The following VPS33B variants were observed in gnomAD, a reference collection of about 807,000 sequenced individuals.
VPS33B encodes the protein VPS33B late endosome and lysosome associated.
In VPS33B, 80 loss-of-function variants were observed where a neutral mutation model predicts 95.3. The ratio of observed to expected loss-of-function variants is 0.84; its 90% CI spans 0.70 to 1.01. VPS33B has a LOEUF of 1.01. Among genes scored for constraint, VPS33B ranks in the 50% least tolerant of loss-of-function variants. The pLI, the probability that VPS33B is intolerant of heterozygous loss-of-function variation, is 0.00. For missense variants in VPS33B, 715 were observed against 773.4 expected, an observed-to-expected ratio of 0.92 and a Z score of 0.90; for synonymous variants, 280 against 280.4, an observed-to-expected ratio of 1.00 and a Z score of 0.01.
Position 91,009,680 on chromosome 15 carries a change from G to T in VPS33B, c.403+121C>A. On this transcript the variant is annotated intron_variant, in intron 6 of 22. Coordinates refer to ENST00000333371, the MANE Select transcript of VPS33B (RefSeq NM_018668.5). This position sits in a 1 kb window ranked among gnomAD's most constrained non-coding sequence, Gnocchi z 4.1. ...ACCTCTCCTCCTGCTACACTAACAGGAATAAGACCAGGAAAAGAAGGAGCT... is the reference window on the plus strand; with the variant it reads ...ACCTCTCCTCCTGCTACACTAACAGTAATAAGACCAGGAAAAGAAGGAGCT... The T allele has an allele frequency of 9.8e-7, 1 of 1,015,836 alleles. No homozygotes were observed. The highest frequency in any genetic ancestry group is 1.4e-6 in the Non-Finnish European group (1 of 703,300). 62.9% of individuals were successfully genotyped at this position (1,015,836 alleles called of 1,614,324 possible).
At position 90,999,238 on chromosome 15, in the gene VPS33B, G is replaced by A. The variant is rs773926935; in HGVS notation, c.1775-184C>T. The A allele has an allele frequency of 3.0e-6, 2 of 668,678 alleles. No homozygotes were observed. The highest frequency in any genetic ancestry group is 5.3e-6 in the Non-Finnish European group (2 of 375,032). 41.4% of individuals were successfully genotyped at this position (668,678 alleles called of 1,614,324 possible). On this transcript the variant is annotated intron_variant, in intron 22 of 22. Coordinates refer to ENST00000333371, the MANE Select transcript of VPS33B (RefSeq NM_018668.5). The surrounding 1 kb of genome is among the most constrained non-coding windows in gnomAD (Gnocchi z 5.1). The stretch of plus-strand genomic sequence containing the variant: ...GACTGGTATAACTGGGCTCCCTGCT[G>A]TGGCAGCCCAGAGTTAAGGCTATGG...
In VPS33B at chr15:91,013,997, C is replaced by T; in HGVS notation, c.290-126G>A. 1 of 1,133,922 alleles carries T rather than the reference C, an allele frequency of 8.8e-7. No homozygotes were observed. Among genetic ancestry groups the T allele is most frequent in the South Asian group, 1.2e-5 (1 of 80,090 alleles). The allele number at this position is 1,133,922 out of a possible 1,614,324, so 70.2% of individuals were successfully genotyped here. On this transcript the variant is annotated intron_variant, in intron 4 of 22. Transcript: ENST00000333371. The surrounding 1 kb of genome is among the most constrained non-coding windows in gnomAD (Gnocchi z 4.5). The stretch of plus-strand genomic sequence containing the variant: ...ACTTGGGAGGCTGAGGCGGGTGGAT[C>T]ACCTGAGGTCAGGAGTTTGCGACCA...
At position 91,000,739 on chromosome 15, in the gene VPS33B, G is replaced by T. The variant is rs145734000; in HGVS notation, c.1480-148C>A. 1.1e-3 allele frequency: 739 copies of T among 697,172 alleles called. 5 individuals carry two copies. The African/African-American group carries it at 0.011, about 10-fold the overall frequency. The allele number at this position is 697,172 out of a possible 1,614,324, so 43.2% of individuals were successfully genotyped here. ...TAGCCCTGAAAAGAGAATCCATAAC[G>T]GAAGATGGCAGTTTTTGTTCAGTAA... On this transcript the variant is annotated intron_variant, in intron 19 of 22. Coordinates refer to ENST00000333371, the MANE Select transcript of VPS33B (RefSeq NM_018668.5). This position sits in a 1 kb window ranked among gnomAD's most constrained non-coding sequence, Gnocchi z 4.9.
At position 90,998,705 on chromosome 15, in the gene VPS33B, G is replaced by A. The variant is rs2040343173; in HGVS notation, c.*270C>T. On this transcript the variant is annotated 3_prime_UTR_variant, in exon 23 of 23. Transcript: ENST00000333371. The surrounding 1 kb of genome is among the most constrained non-coding windows in gnomAD (Gnocchi z 4.8). ...TGAGAGCAGAGGCTTTATTTACAAT[G>A]ACATTCAAACAGGATTTAGCAAAGG... 1 of 529,378 alleles carries A rather than the reference G, an allele frequency of 1.9e-6. No individual in the cohort carries two copies. Among genetic ancestry groups the A allele is most frequent in the African/African-American group, 1.9e-5 (1 of 52,272 alleles). 32.8% of individuals were successfully genotyped at this position (529,378 alleles called of 1,614,324 possible). A position where few individuals can be genotyped will look rare whatever the true frequency, so the allele number is the denominator to read the frequency against.
At position 91,000,579 on chromosome 15, in the gene VPS33B, C is replaced by G. The variant is rs779601858; in HGVS notation, c.1492G>C (p.Asp498His). The G allele has an allele frequency of 6.2e-7, 1 of 1,612,692 alleles. No homozygotes were observed. Among genetic ancestry groups the G allele is most frequent in the Non-Finnish European group, 8.5e-7 (1 of 1,179,134 alleles). Residue 498 changes from aspartate (D) to histidine (H), a missense_variant, in exon 20 of 23, where the codon GAC (aspartate) becomes CAC (histidine). Physicochemically the swap from Asp to His is moderately conservative, Grantham distance 81 (BLOSUM62 -1). Transcript: ENST00000333371. The surrounding 1 kb of genome is among the most constrained non-coding windows in gnomAD (Gnocchi z 4.9). ...GGCACTTTCAGATCATACTCGCCGT[C>G]CACACGTGGGATCTGTAAGACAAAG... The part of the protein sequence containing the change: ...SKKLNLIPRV[D>H]GEYDLKVPRD...
rs2040406017 is a variant in VPS33B at position 91,000,489 on chromosome 15, C to T, written c.1581+1G>A. The T allele has an allele frequency of 6.2e-7, 1 of 1,612,438 alleles. No homozygotes were observed. The highest frequency in any genetic ancestry group is 2.2e-5 in the East Asian group (1 of 44,802). On this transcript the variant is annotated splice_donor_variant, in intron 20 of 22. Coordinates refer to ENST00000333371, the MANE Select transcript of VPS33B (RefSeq NM_018668.5). LOFTEE classifies it high-confidence loss of function. The surrounding 1 kb of genome is among the most constrained non-coding windows in gnomAD (Gnocchi z 4.9). ...TGGGAGCAAGAATTACATGCTCTCA[C>T]CTGCTCAATGATTCGGCAGCTCAGG...
At chr15:91,017,990 G>A in intron 1 of VPS33B, 105 bp from the exon 2 acceptor site, 1 of 984,382 alleles carries the variant, frequency 1.0e-6, no homozygotes, top group Non-Finnish European at 1.6e-6. Flanking sequence ...TGAGGTGGGA[G>A]GGCACTAAGT....
Position 91,022,276 on chromosome 15 carries a change from GGAAGGACGCCCTTCGTTCTGA to G in VPS33B, c.-48_-28del. On this transcript the variant is annotated 5_prime_UTR_variant, in exon 1 of 23. Transcript: ENST00000333371. ...GCAGCGGTCACCTGCGCCGCGGGGT[GGAAGGACGCCCTTCGTTCTGA>G]GAAGGCCGGCCGCAGCCCAGGGAAG... is the stretch of plus-strand genomic sequence containing the variant. 1.3e-6 allele frequency: 2 copies of G among 1,532,096 alleles called. No homozygotes were observed. Among genetic ancestry groups the G allele is most frequent in the Non-Finnish European group, 1.8e-6 (2 of 1,132,420 alleles). 94.9% of individuals were successfully genotyped at this position (1,532,096 alleles called of 1,614,324 possible).
In VPS33B at chr15:90,999,780, T is replaced by C. The variant is rs148071246; in HGVS notation, c.1671A>G (p.Glu557=). 3.7e-3 allele frequency: 6,040 copies of C among 1,614,112 alleles called. 341 individuals carry two copies. In the Admixed American group the frequency reaches 0.091, roughly 24 times the overall value. ...GCAGGGACTCACTGGAAGCCTTGTC[T>C]TCCTTAGTCATATCTGTGAGGATCA... ...SDFAFTDMTK[E]DKASSESLRL... is the part of the protein sequence containing the mutation. The change falls in exon 22 of 23, where the codon GAA becomes GAG. Residue 557 remains glutamate, a synonymous_variant. Coordinates refer to ENST00000333371, the MANE Select transcript of VPS33B (RefSeq NM_018668.5). This position sits in a 1 kb window ranked among gnomAD's most constrained non-coding sequence, Gnocchi z 5.1.
Position 90,999,262 on chromosome 15 carries a change from G to A in VPS33B, c.1775-208C>T. Reference sequence around the variant, plus strand: ...TGTGGCAGCCCAGAGTTAAGGCTATGGCAAGTTGTATTCTGAGGCCAGGAG... The same window carrying A: ...TGTGGCAGCCCAGAGTTAAGGCTATAGCAAGTTGTATTCTGAGGCCAGGAG... On this transcript the variant is annotated intron_variant, in intron 22 of 22. Transcript: ENST00000333371. This position sits in a 1 kb window ranked among gnomAD's most constrained non-coding sequence, Gnocchi z 5.1. The A allele has an allele frequency of 1.6e-6, 1 of 629,060 alleles. No individual in the cohort carries two copies. The highest frequency in any genetic ancestry group is 2.8e-5 in the East Asian group (1 of 36,194). The allele number at this position is 629,060 out of a possible 1,614,324, so 39.0% of individuals were successfully genotyped here.
intron 6 of VPS33B, among the ~76,000 whole-genome samples, chr15:91,008,350 C>T (rs772555931): frequency 7.9e-5 from 12 of 152,146 alleles, no homozygotes; most frequent in Admixed American, 1.3e-4. Context: ...CTGCAACCTC[C>T]GCCTCCTGGG....
chr15:91,005,353 G>A lies in VPS33B; in HGVS notation c.1105+27C>T. 6.2e-7 allele frequency: 1 copy of A among 1,614,182 alleles called. No homozygotes were observed. Among genetic ancestry groups the A allele is most frequent in the Non-Finnish European group, 8.5e-7 (1 of 1,180,036 alleles). ...AGCTGGGGAAGTAGAAGCGTGGGCAGTAGCACAGCAAGGCTGCGGCAGTTA... is the reference window on the plus strand; with the variant it reads ...AGCTGGGGAAGTAGAAGCGTGGGCAATAGCACAGCAAGGCTGCGGCAGTTA... On this transcript the variant is annotated intron_variant, in intron 14 of 22. Transcript: ENST00000333371. The surrounding 1 kb of genome is among the most constrained non-coding windows in gnomAD (Gnocchi z 6.4).
Position 90,999,594 on chromosome 15 carries a change from C to T in VPS33B, c.1774+83G>A, listed in dbSNP as rs2040373607. 4 of 1,431,466 alleles carry T rather than the reference C, an allele frequency of 2.8e-6. No homozygotes were observed. Among genetic ancestry groups the T allele is most frequent in the South Asian group, 1.2e-5 (1 of 86,840 alleles). The allele number at this position is 1,431,466 out of a possible 1,614,324, so 88.7% of individuals were successfully genotyped here. ...TCCGCCTCCCAAAGTGCTGAGATTA[C>T]AGGTATGAACCACCGTGCCCAGCTG... is the stretch of plus-strand genomic sequence containing the variant. On this transcript the variant is annotated intron_variant, in intron 22 of 22. Transcript: ENST00000333371. This position sits in a 1 kb window ranked among gnomAD's most constrained non-coding sequence, Gnocchi z 5.1.
chr15:91,005,813 C>G lies in VPS33B; in HGVS notation c.940-29G>C, dbSNP rs773693358. ...TGGGAAAATTCCCAAAGGTGAACCC[C>G]CCAACCTCAGACACGAGAAACCACC... is the stretch of plus-strand genomic sequence containing the variant. On this transcript the variant is annotated intron_variant, in intron 12 of 22. Coordinates refer to ENST00000333371, the MANE Select transcript of VPS33B (RefSeq NM_018668.5). The surrounding 1 kb of genome is among the most constrained non-coding windows in gnomAD (Gnocchi z 6.4). 5 of 1,613,834 alleles carry G rather than the reference C, an allele frequency of 3.1e-6. No homozygotes were observed. The South Asian group carries it at 4.4e-5, about 14-fold the overall frequency.
In VPS33B at chr15:90,999,516, A is replaced by G; in HGVS notation, c.1774+161T>C. On this transcript the variant is annotated intron_variant, in intron 22 of 22. Coordinates refer to ENST00000333371, the MANE Select transcript of VPS33B (RefSeq NM_018668.5). The surrounding 1 kb of genome is among the most constrained non-coding windows in gnomAD (Gnocchi z 5.1). ...GTATTTTTCGTAGAGATGGGGTTTC[A>G]CCATGTTGGTCAGGCTAGGCTCTAA... 1.3e-6 allele frequency: 1 copy of G among 783,786 alleles called. No homozygotes were observed. The highest frequency in any genetic ancestry group is 2.6e-5 in the East Asian group (1 of 39,106). 48.6% of individuals were successfully genotyped at this position (783,786 alleles called of 1,614,324 possible).
At chr15:91,008,524 C>G (rs1476224926) in intron 6 of VPS33B, among the ~76,000 whole-genome samples, 1 of 152,200 alleles carries the variant, frequency 6.6e-6, no homozygotes, top group East Asian at 1.9e-4. Flanking sequence ...CTTGGCCTCT[C>G]AAAGTGCTGG....
chr15:91,017,876 T>G lies in VPS33B; in HGVS notation c.106A>C (p.Lys36Gln). 6.2e-7 allele frequency: 1 copy of G among 1,614,100 alleles called. No individual in the cohort carries two copies. The highest frequency in any genetic ancestry group is 2.2e-5 in the East Asian group (1 of 44,890). The change falls in exon 2 of 23, where the codon AAA becomes CAA. Residue 36 changes from lysine (K) to glutamine (Q), a missense_variant. Physicochemically the swap from Lys to Gln is moderately conservative, Grantham distance 53. Coordinates refer to ENST00000333371, the MANE Select transcript of VPS33B (RefSeq NM_018668.5). ...TCTGCCTCAATGAATAAATCCTTTT[T>G]TCCAGGAAGCTGAAGGAGACACAAT... ...LIYLLEQLPG[K>Q]KDLFIEADLM...
At position 90,999,507 on chromosome 15, in the gene VPS33B, T is replaced by C. The variant is rs1264209535; in HGVS notation, c.1774+170A>G. The C allele has an allele frequency of 8.0e-6, 6 of 752,032 alleles. No homozygotes were observed. Among genetic ancestry groups the C allele is most frequent in the East Asian group, 5.2e-5 (2 of 38,432 alleles). The allele number at this position is 752,032 out of a possible 1,614,324, so 46.6% of individuals were successfully genotyped here. On this transcript the variant is annotated intron_variant, in intron 22 of 22. Coordinates refer to ENST00000333371, the MANE Select transcript of VPS33B (RefSeq NM_018668.5). This position sits in a 1 kb window ranked among gnomAD's most constrained non-coding sequence, Gnocchi z 5.1. The stretch of plus-strand genomic sequence containing the variant: ...CTAATTTTTGTATTTTTCGTAGAGA[T>C]GGGGTTTCACCATGTTGGTCAGGCT...
Position 91,000,547 on chromosome 15 carries a change from G to A in VPS33B, c.1524C>T (p.Asp508=). The A allele has an allele frequency of 1.2e-6, 2 of 1,613,682 alleles. No individual in the cohort carries two copies. Among genetic ancestry groups the A allele is most frequent in the Non-Finnish European group, 1.7e-6 (2 of 1,179,738 alleles). The change falls in exon 20 of 23, where the codon GAC becomes GAT. Residue 508 remains aspartate (D), a synonymous_variant. Coordinates refer to ENST00000333371, the MANE Select transcript of VPS33B (RefSeq NM_018668.5). The surrounding 1 kb of genome is among the most constrained non-coding windows in gnomAD (Gnocchi z 4.9). ...DGEYDLKVPR[D]MAYVFGGAYV... ...AAGCACCACCGAAGACGTAAGCCAT[G>A]TCTCGGGGCACTTTCAGATCATACT... is the stretch of plus-strand genomic sequence containing the variant.
Sources: allele counts gnomAD v4.1 joint callset (sites outside exome capture counted in the v4.1 genomes callset), GRCh38; gene constraint gnomAD v4.1.1; non-coding constraint Gnocchi (gnomAD v3.1); transcripts MANE v1.5; gene names NCBI Gene and HGNC (gene_info 2026-07-23, HGNC 2026-07-21).